Variants in ABCA4 observed in about 807,000 individuals in gnomAD.
ABCA4 encodes the protein ATP binding cassette subfamily A member 4.
A neutral mutation model predicts 263.7 loss-of-function variants in ABCA4; 196 were observed. That is an observed-to-expected ratio of 0.74 (90% confidence interval 0.66 to 0.84). ABCA4 has a LOEUF of 0.84. Ranked by LOEUF, ABCA4 falls within the 40% of genes least tolerant of loss-of-function variation. ABCA4 has a pLI of 0.00. For missense variants in ABCA4, 2,792 were observed against 2,855.1 expected (o/e 0.98, Z 0.50); for synonymous variants, 1,133 against 1,094.2 (o/e 1.04, Z -0.70).
At chr1:94,031,646 C>A in intron 27 of ABCA4, 132 bp downstream of exon 27, 2 of 1,298,486 alleles carry the variant, frequency 1.5e-6, no homozygotes, top group South Asian at 2.6e-5. Flanking sequence ...AAGCAGGAAA[C>A]AAAACCAGCA....
At chr1:94,026,574 C>T (rs1416023123) in intron 30 of ABCA4, among the ~76,000 whole-genome samples, 1 of 152,200 alleles carries the variant, frequency 6.6e-6, no homozygotes, top group East Asian at 1.9e-4. Flanking sequence ...CACTCAGACA[C>T]CGGCCAAGCT....
chr1:94,058,562 A>C (rs548054650), intron 14 of ABCA4, among the ~76,000 whole-genome samples: 1 of 152,308 alleles, frequency 6.6e-6, no homozygotes, highest in Non-Finnish European at 1.5e-5. Flanking sequence ...GGGTTTCGCC[A>C]TGTTGGCCAG....
chr1:94,116,263 T>G (rs2101175775), intron 1 of ABCA4, among the ~76,000 whole-genome samples: 1 of 152,232 alleles, frequency 6.6e-6, no homozygotes, highest in South Asian at 2.1e-4. Context: ...TAGGCTGTTT[T>G]TTTTTGCCTA....
At chr1:94,048,696 A>T (rs576391876) in intron 18 of ABCA4, among the ~76,000 whole-genome samples, 172 bp downstream of exon 18, 19 of 152,308 alleles carry the variant, frequency 1.2e-4, no homozygotes, top group Non-Finnish European at 2.5e-4. Flanking sequence ...CATTCATTCC[A>T]CACACATGCA....
rs61750641 is a variant in ABCA4 at position 94,005,499 on chromosome 1, C to T, written c.6089G>A (p.Arg2030Gln). 4.8e-4 allele frequency: 770 copies of T among 1,614,138 alleles called. No individual in the cohort carries two copies. Among genetic ancestry groups the T allele is most frequent in the Non-Finnish European group, 5.9e-4 (693 of 1,180,014 alleles). Reference sequence around the variant, plus strand: ...CCGGGCATAAAGGTAAAGATGTTCTCGTCCTGTGAGCAGCTCATCAATTGC... The same window carrying T: ...CCGGGCATAAAGGTAAAGATGTTCTTGTCCTGTGAGCAGCTCATCAATTGC... ...FDAIDELLTG[R>Q]EHLYLYARLR... The change falls in exon 44 of 50, where the codon CGA (arginine) becomes CAA (glutamine). Residue 2030 changes from arginine (R) to glutamine (Q), a missense_variant. By Grantham distance (43) the Arg-to-Gln change is conservative. Coordinates refer to ENST00000370225, the MANE Select transcript of ABCA4 (RefSeq NM_000350.3).
intron 14 of ABCA4, among the ~76,000 whole-genome samples, chr1:94,060,112 A>C (rs1273324589): frequency 6.6e-6 from 1 of 152,230 alleles, no homozygotes; most frequent in Non-Finnish European, 1.5e-5. Context: ...GCTACTGAAA[A>C]GGCAAAAGGC....
intron 44 of ABCA4, among the ~76,000 whole-genome samples, chr1:94,004,715 C>A (rs927839229): frequency 6.6e-6 from 1 of 152,152 alleles, no homozygotes; most frequent in Non-Finnish European, 1.5e-5. Context: ...AACATGCTTC[C>A]AAAAATTAAA....
intron 14 of ABCA4, 99 bp downstream of exon 14, chr1:94,060,438 C>T (rs935851400): frequency 2.6e-6 from 3 of 1,154,100 alleles, no homozygotes; most frequent in Non-Finnish European, 3.9e-6. Flanking sequence ...GTCACGCTCT[C>T]CTTGGTGGCC....
intron 1 of ABCA4, among the ~76,000 whole-genome samples, chr1:94,113,791 G>A (rs1188405769): frequency 1.3e-5 from 2 of 152,266 alleles, no homozygotes; most frequent in African/African-American, 2.4e-5. Context: ...TTTTACATTG[G>A]AAGAGGCTGC....
In ABCA4 at chr1:94,036,999, A is replaced by G. The variant is rs1557775621; in HGVS notation, c.3813+146T>C. On this transcript the variant is annotated intron_variant, in intron 25 of 49. Transcript: ENST00000370225. ...TTTGTATGCATGCAGAGATGGGGGA[A>G]CTATGCCAAAAATAAAGATAGTTGC... 5 of 955,102 alleles carry G rather than the reference A, an allele frequency of 5.2e-6. No individual in the cohort carries two copies. In the South Asian group the frequency reaches 5.4e-5, roughly 10 times the overall value. The allele number at this position is 955,102 out of a possible 1,614,324, so 59.2% of individuals were successfully genotyped here.
chr1:94,067,212 T>C (rs989009231), intron 11 of ABCA4, among the ~76,000 whole-genome samples: 1 of 139,782 alleles, frequency 7.2e-6, no homozygotes, highest in Non-Finnish European at 1.6e-5. Flanking sequence ...AATGACAGTA[T>C]ACCTCTTAAA....
At chr1:94,066,129 G>A (rs1162038674) in intron 11 of ABCA4, among the ~76,000 whole-genome samples, 1 of 152,210 alleles carries the variant, frequency 6.6e-6, no homozygotes, top group Non-Finnish European at 1.5e-5. Context: ...TGTTGAGGGT[G>A]GGGGTAGGTG....
At chr1:94,079,300 G>C in intron 9 of ABCA4, 22 bp downstream of exon 9, 3 of 1,613,898 alleles carry the variant, frequency 1.9e-6, no homozygotes, top group Non-Finnish European at 2.5e-6. Flanking sequence ...GGTACACAAG[G>C]CAAGCCCAGC....
chr1:94,070,661 C>CT (rs1215652465), intron 11 of ABCA4, among the ~76,000 whole-genome samples: 1 of 152,122 alleles, frequency 6.6e-6, no homozygotes, highest in East Asian at 1.9e-4. Context: ...TGATCAAGGG[C>CT]TACAGGGAAG....
intron 44 of ABCA4, chr1:94,005,238 AT>A (rs1293938302): frequency 7.5e-4 from 457 of 610,788 alleles, no homozygotes; most frequent in Non-Finnish European, 9.0e-4. Flanking sequence ...GAGAGTGGGG[AT>A]TTTTTTTTGT....
In ABCA4 at chr1:93,998,005, G is replaced by T; in HGVS notation, c.6585C>A (p.Gly2195=). The T allele has an allele frequency of 2.5e-6, 4 of 1,614,202 alleles. No homozygotes were observed. Among genetic ancestry groups the T allele is most frequent in the Non-Finnish European group, 2.5e-6 (3 of 1,180,040 alleles). ...VEQFFQGNFP[G]SVQRERHYNM... ...TGTAGTGCCTCTCCCTCTGCACACTGCCTGGGAAGTTCCCCTGGAAGAACT... is the reference window on the plus strand; with the variant it reads ...TGTAGTGCCTCTCCCTCTGCACACTTCCTGGGAAGTTCCCCTGGAAGAACT... Residue 2195 remains glycine (G), a synonymous_variant, in exon 48 of 50, where the codon GGC becomes GGA. Transcript: ENST00000370225.
chr1:94,090,167 A>G (rs1015132731), intron 6 of ABCA4, among the ~76,000 whole-genome samples: 4 of 152,228 alleles, frequency 2.6e-5, no homozygotes, highest in African/African-American at 9.6e-5. Context: ...CCACGCTGAC[A>G]GTGGCCCTGG....
Position 94,060,702 on chromosome 1 carries a change from G to T in ABCA4, c.1995C>A (p.Tyr665Ter), listed in dbSNP as rs757302286. Reference protein sequence around the residue: ...FPIFMVLAWIYSVSMTVKSIV... With the variant: ...FPIFMVLAWI ...TGCTCTTCACAGTCATGGAGACAGA[G>T]TAGATCCATGCCAGCACCATGAAGA... Residue 665 changes from tyrosine to a stop codon, truncating the protein, a stop_gained, in exon 14 of 50, where the codon TAC becomes TAA. Coordinates refer to ENST00000370225, the MANE Select transcript of ABCA4 (RefSeq NM_000350.3). LOFTEE classifies it high-confidence loss of function. 3.7e-6 allele frequency: 6 copies of T among 1,613,992 alleles called. No homozygotes were observed. The South Asian group carries it at 6.6e-5, about 18-fold the overall frequency.
intron 11 of ABCA4, among the ~76,000 whole-genome samples, chr1:94,072,467 T>G (rs906531434): frequency 1.3e-5 from 2 of 152,214 alleles, no homozygotes; most frequent in African/African-American, 4.8e-5. Flanking sequence ...ATTTCATCTG[T>G]GCCAGGCCTA....
Sources: allele counts gnomAD v4.1 joint callset (sites outside exome capture counted in the v4.1 genomes callset), GRCh38; gene constraint gnomAD v4.1.1; transcripts MANE v1.5; gene names NCBI Gene and HGNC (gene_info 2026-07-23, HGNC 2026-07-21).